The following FBXO4 variants were observed in gnomAD, a reference collection of about 807,000 sequenced individuals.
FBXO4 encodes the protein F-box only protein 4.
A neutral mutation model predicts 43.7 loss-of-function variants in FBXO4; 36 were observed. That is an observed-to-expected ratio of 0.82 (90% confidence interval 0.63 to 1.09). The LOEUF is 1.09. Ranked by LOEUF, FBXO4 falls within the 50% of genes least tolerant of loss-of-function variation. The probability of loss-of-function intolerance (pLI) is 0.00; values close to 1 mark genes in which losing one functional copy is unlikely to be tolerated. For missense variants in FBXO4, 435 were observed against 474.1 expected (o/e 0.92, Z 0.77); for synonymous variants, 180 against 165.6 (o/e 1.09, Z -0.67).
the FBXO4 span, among the ~76,000 whole-genome samples, chr5:42,021,771 T>C: frequency 6.6e-6 from 1 of 152,180 alleles, no homozygotes; most frequent in East Asian, 1.9e-4. Context: ...TTTGGTATTG[T>C]GTAATTTTTT....
the FBXO4 span, among the ~76,000 whole-genome samples, chr5:41,966,721 TC>T: frequency 6.6e-6 from 1 of 152,210 alleles, no homozygotes. Context: ...TTTCCTCTTT[TC>T]CCTAATTTTT....
chr5:42,029,618 C>T, the FBXO4 span, among the ~76,000 whole-genome samples: 387 of 151,982 alleles, frequency 2.5e-3, 2 homozygotes, highest in Non-Finnish European at 4.2e-3. Flanking sequence ...TGTAGGTGTG[C>T]TTTATTGTTT....
At chr5:42,032,708 A>G in the FBXO4 span, among the ~76,000 whole-genome samples, 1 of 152,120 alleles carries the variant, frequency 6.6e-6, no homozygotes, top group Non-Finnish European at 1.5e-5. Flanking sequence ...CCAAGGGCCC[A>G]CTTGGTGCTC....
At chr5:41,936,306 G>A (rs1751846519) in intron 5 of FBXO4, among the ~76,000 whole-genome samples, 1 of 152,166 alleles carries the variant, frequency 6.6e-6, no homozygotes, top group Non-Finnish European at 1.5e-5. Flanking sequence ...GCCAAGGCGG[G>A]CAGATTGCTT....
chr5:41,979,575 C>A, the FBXO4 span, among the ~76,000 whole-genome samples: 1 of 152,160 alleles, frequency 6.6e-6, no homozygotes, highest in Admixed American at 6.5e-5. Context: ...TGGCCAGTTT[C>A]AAACTACCAA....
chr5:42,006,914 A>ATATATG, the FBXO4 span, among the ~76,000 whole-genome samples: 13 of 141,498 alleles, frequency 9.2e-5, no homozygotes, highest in African/African-American at 3.2e-4. Flanking sequence ...ATATATATAT[A>ATATATG]TATGTATATA....
the FBXO4 span, among the ~76,000 whole-genome samples, chr5:42,007,909 T>A: frequency 6.6e-6 from 1 of 152,072 alleles, no homozygotes; most frequent in Non-Finnish European, 1.5e-5. Flanking sequence ...AAGCAAAACT[T>A]TTTTTCTAGT....
At chr5:42,036,437 C>T in the FBXO4 span, among the ~76,000 whole-genome samples, 1 of 152,088 alleles carries the variant, frequency 6.6e-6, no homozygotes, top group African/African-American at 2.4e-5. Context: ...GACCACATGA[C>T]CTGCAAGGCA....
At chr5:41,988,298 G>A in the FBXO4 span, among the ~76,000 whole-genome samples, 1 of 152,152 alleles carries the variant, frequency 6.6e-6, no homozygotes, top group African/African-American at 2.4e-5. Context: ...TAGATTGTGG[G>A]AAATAGCAGG....
chr5:41,928,846 T>G (rs911179780), intron 2 of FBXO4, among the ~76,000 whole-genome samples: 1 of 152,252 alleles, frequency 6.6e-6, no homozygotes, highest in African/African-American at 2.4e-5. Flanking sequence ...CTTGACTTAT[T>G]TGAAGGACTT....
At chr5:41,985,494 A>G in the FBXO4 span, among the ~76,000 whole-genome samples, 1 of 152,198 alleles carries the variant, frequency 6.6e-6, no homozygotes, top group Non-Finnish European at 1.5e-5. Flanking sequence ...TATAATTACT[A>G]AGGGATGGTT....
the FBXO4 span, among the ~76,000 whole-genome samples, chr5:42,037,914 A>G: frequency 6.6e-6 from 1 of 152,050 alleles, no homozygotes; most frequent in Non-Finnish European, 1.5e-5. Flanking sequence ...GTACCCTGCC[A>G]TCATTAAACT....
chr5:41,945,700 G>A (rs1033226418), downstream of FBXO4, among the ~76,000 whole-genome samples: 2 of 152,104 alleles, frequency 1.3e-5, no homozygotes, highest in African/African-American at 4.8e-5. Flanking sequence ...TGTGGGGGAC[G>A]CCTGTCCATA....
chr5:42,007,466 C>T, the FBXO4 span, among the ~76,000 whole-genome samples: 6 of 152,012 alleles, frequency 3.9e-5, no homozygotes, highest in African/African-American at 1.4e-4. Context: ...CATATTCTTT[C>T]TATTTCTTAG....
At chr5:41,925,805 C>A (rs1275826706) in intron 1 of FBXO4, among the ~76,000 whole-genome samples, 1 of 152,160 alleles carries the variant, frequency 6.6e-6, no homozygotes, top group East Asian at 1.9e-4. Context: ...ACTAGGACAC[C>A]CTGAATGTCC....
At position 41,940,633 on chromosome 5, in the gene FBXO4, A is replaced by G. The variant is rs553086467; in HGVS notation, c.1075-559A>G. Among the ~76,000 whole-genome samples, 3 of 152,352 alleles carry G rather than the reference A, an allele frequency of 2.0e-5. No homozygotes were observed. The South Asian group carries it at 6.2e-4, about 32-fold the overall frequency. On this transcript the variant is annotated intron_variant, in intron 6 of 6. Coordinates refer to ENST00000281623, the MANE Select transcript of FBXO4 (RefSeq NM_012176.3). ...ACATGATAACCCCTGAGTAAAACAG[A>G]TAAAGAAAAATTAAAGTTGGAAACC...
At chr5:42,029,843 A>C in the FBXO4 span, among the ~76,000 whole-genome samples, 1 of 152,174 alleles carries the variant, frequency 6.6e-6, no homozygotes, top group South Asian at 2.1e-4. Context: ...TTTATCCAAT[A>C]GAATTCTGAA....
the FBXO4 span, among the ~76,000 whole-genome samples, chr5:41,978,678 A>G: frequency 6.6e-6 from 1 of 152,206 alleles, no homozygotes; most frequent in South Asian, 2.1e-4. Flanking sequence ...TCTCATATAT[A>G]ATCTGTAGAC....
chr5:41,946,264 A>G (rs1374087841), downstream of FBXO4, among the ~76,000 whole-genome samples: 1 of 152,190 alleles, frequency 6.6e-6, no homozygotes, highest in East Asian at 1.9e-4. Context: ...TGCTGGCCAG[A>G]TCCCGCAATA....
Sources: allele counts gnomAD v4.1 joint callset (sites outside exome capture counted in the v4.1 genomes callset), GRCh38; gene constraint gnomAD v4.1.1; transcripts MANE v1.5; gene names NCBI Gene and HGNC (gene_info 2026-07-23, HGNC 2026-07-21).